Variants in ANKRD55 observed in about 807,000 individuals in gnomAD.
ANKRD55 encodes ankyrin repeat domain 55, also known as ankyrin repeat domain-containing protein 55.
In ANKRD55, 41 loss-of-function variants were observed where a neutral mutation model predicts 60.6. The ratio of observed to expected loss-of-function variants is 0.68; its 90% CI spans 0.53 to 0.88. The LOEUF is 0.88. ANKRD55 is among the 40% of genes least tolerant of loss of function. ANKRD55 has a pLI of 0.00. For missense variants in ANKRD55, 732 were observed against 767.6 expected (o/e 0.95, Z 0.55); for synonymous variants, 264 against 290.3 (o/e 0.91, Z 0.92).
At chr5:56,160,760 T>C (rs1380003292) in intron 5 of ANKRD55, 1 of 152,214 alleles carries the variant, frequency 6.6e-6, no homozygotes, top group Non-Finnish European at 1.5e-5. Flanking sequence ...AAAACAGCTA[T>C]CAATGATTCT....
intron 7 of ANKRD55, among the ~76,000 whole-genome samples, chr5:56,131,215 T>C (rs1344422390): frequency 6.6e-6 from 1 of 150,710 alleles, no homozygotes; most frequent in African/African-American, 2.4e-5. Flanking sequence ...TATTTTCCAA[T>C]TACAGAAAAC....
intron 2 of ANKRD55, among the ~76,000 whole-genome samples, chr5:56,199,176 AT>A (rs1409346973): frequency 1.3e-5 from 2 of 152,166 alleles, no homozygotes; most frequent in Non-Finnish European, 2.9e-5. Context: ...GGAATAAGGA[AT>A]TTTACAAATT....
chr5:56,178,813 G>T (rs1327558107), intron 3 of ANKRD55, among the ~76,000 whole-genome samples: 1 of 118,226 alleles, frequency 8.5e-6, no homozygotes, highest in African/African-American at 4.9e-5. Flanking sequence ...TTCATTGCAA[G>T]TCTAATAAAA....
At chr5:56,167,041 A>C (rs1758500455) in intron 5 of ANKRD55, among the ~76,000 whole-genome samples, 1 of 152,282 alleles carries the variant, frequency 6.6e-6, no homozygotes, top group Admixed American at 6.5e-5. Context: ...TCAAACAACT[A>C]TAAAATATGT....
chr5:56,206,748 C>G (rs1025478471), intron 2 of ANKRD55, among the ~76,000 whole-genome samples: 12 of 152,130 alleles, frequency 7.9e-5, no homozygotes, highest in Non-Finnish European at 1.8e-4. Context: ...CCAAAGGCCA[C>G]AAGAAGGACA....
In ANKRD55 at chr5:56,176,181, G is replaced by A. The variant is rs1009396235; in HGVS notation, c.283C>T (p.Arg95Cys). 9 of 1,614,010 alleles carry A rather than the reference G, an allele frequency of 5.6e-6. No homozygotes were observed. Among genetic ancestry groups the A allele is most frequent in the Middle Eastern group, 1.6e-4 (1 of 6,084 alleles). Reference sequence around the variant, plus strand: ...TAGGTGGCCAGGCATAAACTTGTGCGGCCATAAGCATCCTGCATGTTAATA... The same window carrying A: ...TAGGTGGCCAGGCATAAACTTGTGCAGCCATAAGCATCCTGCATGTTAATA... ...ANINMQDAYGRTSLCLATYLG... is the reference protein window; with the variant it reads ...ANINMQDAYGCTSLCLATYLG... Residue 95 changes from arginine to cysteine, a missense_variant, in exon 4 of 12, where the codon CGC (arginine) becomes TGC (cysteine). Transcript: ENST00000341048.
At chr5:56,154,070 G>A (rs1384604438) in intron 6 of ANKRD55, among the ~76,000 whole-genome samples, 6 of 151,346 alleles carry the variant, frequency 4.0e-5, no homozygotes, top group Non-Finnish European at 8.8e-5. Flanking sequence ...AAAATTAGCT[G>A]GGCGTGGTGA....
chr5:56,170,667 G>A (rs369873627), intron 5 of ANKRD55, 27 bp downstream of exon 5: 10 of 1,584,836 alleles, frequency 6.3e-6, no homozygotes, highest in East Asian at 4.5e-5. Flanking sequence ...CTCCCAACTT[G>A]AGCATCATGT....
intron 9 of ANKRD55, among the ~76,000 whole-genome samples, chr5:56,112,511 A>AAAAACAAAAAAAAAAAC (rs1756753632): frequency 1.2e-5 from 1 of 81,528 alleles, no homozygotes; most frequent in Non-Finnish European, 2.4e-5. Flanking sequence ...TAGCAAAAAA[A>AAAAACAAAAAAAAAAAC]AAAAAAAAAA....
At chr5:56,122,786 G>A (rs1757110139) in intron 8 of ANKRD55, among the ~76,000 whole-genome samples, 1 of 150,150 alleles carries the variant, frequency 6.7e-6, no homozygotes, top group African/African-American at 2.5e-5. Flanking sequence ...CCTTTTTTGA[G>A]ATACGGTCTC....
At chr5:56,232,979 CT>C in intron 1 of ANKRD55, 33 bp from the exon 2 acceptor site, 1 of 1,477,022 alleles carries the variant, frequency 6.8e-7, no homozygotes, top group Admixed American at 1.7e-5. Context: ...TCAAACCTTA[CT>C]GTCAACATGA....
At chr5:56,166,090 CTTTCT>C (rs1561277577) in intron 5 of ANKRD55, among the ~76,000 whole-genome samples, 9 of 18,540 alleles carry the variant, frequency 4.9e-4, no homozygotes, top group African/African-American at 1.4e-3. Flanking sequence ...TTTTCTTTTT[CTTTCT>C]TTCTTTCTTT....
intron 5 of ANKRD55, among the ~76,000 whole-genome samples, chr5:56,167,826 T>G (rs554751028): frequency 6.6e-6 from 1 of 152,272 alleles, no homozygotes; most frequent in South Asian, 2.1e-4. Flanking sequence ...GGAGTACTGA[T>G]AAGCATAATA....
At chr5:56,127,545 G>A (rs115092934) in intron 7 of ANKRD55, 15,747 of 984,988 alleles carry the variant, frequency 0.016, 180 homozygotes, top group Admixed American at 0.041. Flanking sequence ...TGACTATGAT[G>A]AGTACTGATT....
chr5:56,107,892 CAG>C (rs1017034595), intron 10 of ANKRD55, among the ~76,000 whole-genome samples: 6 of 149,174 alleles, frequency 4.0e-5, no homozygotes, highest in African/African-American at 1.5e-4. Flanking sequence ...TTTTTTGAGA[CAG>C]GGCCTCACTT....
intron 2 of ANKRD55, among the ~76,000 whole-genome samples, chr5:56,190,277 G>T (rs1450800159): frequency 6.6e-6 from 1 of 152,108 alleles, no homozygotes; most frequent in Non-Finnish European, 1.5e-5. Flanking sequence ...TCTGTGGGTT[G>T]CCTTTTCATT....
chr5:56,182,538 T>C (rs769969296), intron 3 of ANKRD55, among the ~76,000 whole-genome samples: 1 of 152,228 alleles, frequency 6.6e-6, no homozygotes, highest in African/African-American at 2.4e-5. Flanking sequence ...CACGGTTATT[T>C]TAAAATCTTT....
chr5:56,107,010 T>TAAAA (rs371808077), intron 10 of ANKRD55, among the ~76,000 whole-genome samples: 5 of 114,544 alleles, frequency 4.4e-5, no homozygotes, highest in Admixed American at 1.9e-4. Context: ...TATCTCTCTC[T>TAAAA]AAAAAAAAAA....
intron 2 of ANKRD55, among the ~76,000 whole-genome samples, chr5:56,201,280 A>T (rs1018345186): frequency 6.6e-6 from 1 of 152,220 alleles, no homozygotes; most frequent in African/African-American, 2.4e-5. Flanking sequence ...ACACTGCACC[A>T]CGATGGCTTC....
Sources: allele counts gnomAD v4.1 joint callset (sites outside exome capture counted in the v4.1 genomes callset), GRCh38; gene constraint gnomAD v4.1.1; transcripts MANE v1.5; gene names NCBI Gene and HGNC (gene_info 2026-07-23, HGNC 2026-07-21).